ERCC5: variants seen among roughly 807,000 people sequenced by gnomAD.
ERCC5 encodes the protein ERCC excision repair 5, endonuclease, also known as DNA excision repair protein ERCC-5.
In ERCC5, 68 loss-of-function variants were observed where a neutral mutation model predicts 105.6. The observed-to-expected ratio is 0.64, with a 90% CI of 0.53 to 0.79. The LOEUF is 0.79. ERCC5 is among the 30% of genes least tolerant of loss of function. ERCC5 has a pLI of 0.00. For synonymous variants in ERCC5, 546 were observed against 526.2 expected, an observed-to-expected ratio of 1.04 and a Z score of -0.51; for missense variants, 1,373 against 1,426.7, an observed-to-expected ratio of 0.96 and a Z score of 0.61.
rs550031899 is a variant in ERCC5, at chr13:102,866,278, T to G, written c.2216T>G (p.Leu739Arg). ...QDINLEELET[L>R]ESNLLAQQNS... ...ATTTTATAGGAGGAGTTGGAAACTC[T>G]GGAGAGCAACCTCTTAGCACAGCAG... is the stretch of plus-strand genomic sequence containing the variant. Residue 739 changes from leucine (L) to arginine (R), a missense_variant, in exon 10 of 15, where the codon CTG becomes CGG. By Grantham distance (102) the Leu-to-Arg change is moderately radical (BLOSUM62 -2). Transcript: ENST00000652225. 4.3e-6 allele frequency: 7 copies of G among 1,614,256 alleles called. No individual in the cohort carries two copies. The highest frequency in any genetic ancestry group is 5.9e-6 in the Non-Finnish European group (7 of 1,180,048).
At chr13:102,846,471 GGTCGCTATA>G in intron 1 of ERCC5, 117 bp downstream of exon 1, 1 of 884,354 alleles carries the variant, frequency 1.1e-6, no homozygotes, top group East Asian at 2.6e-5. Flanking sequence ...TCGGGGTCGG[GGTCGCTATA>G]GAATCTCTGT....
At position 102,872,343 on chromosome 13, in the gene ERCC5, G is replaced by A. The variant is rs751396784; in HGVS notation, c.2824G>A (p.Asp942Asn). The A allele has an allele frequency of 1.2e-6, 2 of 1,614,204 alleles. No homozygotes were observed. Among genetic ancestry groups the A allele is most frequent in the South Asian group, 1.1e-5 (1 of 91,082 alleles). ...VAEAYLKPVV[D>N]DSKGSFLWGK... is the part of the protein sequence containing the mutation. ...CGAGGCCTACCTCAAACCCGTGGTG[G>A]ATGACTCGAAGGGATCCTTTCTGTG... Residue 942 changes from aspartate (D) to asparagine (N), a missense_variant, in exon 13 of 15, where the codon GAT becomes AAT. By Grantham distance (23) the Asp-to-Asn change is conservative (BLOSUM62 1). This residue lies in a region of ERCC5 where 367 missense variants were observed against 350.2 expected (regional missense o/e 1.05). Transcript: ENST00000652225.
chr13:102,860,456 G>A (rs188260685), intron 6 of ERCC5, among the ~76,000 whole-genome samples: 2 of 152,316 alleles, frequency 1.3e-5, no homozygotes, highest in African/African-American at 2.4e-5. Context: ...GACATGAAGA[G>A]AAACATGTTC....
At chr13:102,848,205 A>G (rs905422806) in intron 1 of ERCC5, among the ~76,000 whole-genome samples, 5 of 152,226 alleles carry the variant, frequency 3.3e-5, no homozygotes, top group African/African-American at 9.6e-5. Flanking sequence ...CGTTTATGTC[A>G]AAGGAGTATA....
rs2140543853 is a variant in ERCC5 at position 102,875,724 on chromosome 13, G to C, written c.3382G>C (p.Asp1128His). ...GAAAGAGCCAAAAACCAGTGCTTCA[G>C]ATTCGCAGAACTCAGTGAAGGAAGC... ...AAKEPKTSASDSQNSVKEAPV... is the reference protein window; with the variant it reads ...AAKEPKTSASHSQNSVKEAPV... The change falls in exon 15 of 15, where the codon GAT becomes CAT. Residue 1128 changes from aspartate to histidine, a missense_variant. Transcript: ENST00000652225. 6.2e-7 allele frequency: 1 copy of C among 1,614,172 alleles called. No homozygotes were observed. Among genetic ancestry groups the C allele is most frequent in the South Asian group, 1.1e-5 (1 of 91,078 alleles).
chr13:102,870,907 T>A (rs1883009470), intron 12 of ERCC5, among the ~76,000 whole-genome samples: 1 of 152,196 alleles, frequency 6.6e-6, no homozygotes, highest in African/African-American at 2.4e-5. Context: ...AGGATTATGT[T>A]AGTAACTTTG....
intron 1 of ERCC5, chr13:102,849,015 T>C (rs1406381744): frequency 7.5e-6 from 3 of 402,376 alleles, no homozygotes; most frequent in Admixed American, 5.6e-5. Flanking sequence ...TGAGAGCCAC[T>C]GATCTGAAAC....
Position 102,862,883 on chromosome 13 carries a change from T to C in ERCC5, c.1734T>C (p.Ile578=). The part of the protein sequence containing the change: ...KCKPNSASEV[I]GPVSLQETSS... The stretch of plus-strand genomic sequence containing the variant: ...AACCGAATTCTGCTTCTGAAGTCAT[T>C]GGCCCTGTCAGTTTGCAAGAAACAA... Residue 578 remains isoleucine, a synonymous_variant, in exon 8 of 15, where the codon ATT becomes ATC. Coordinates refer to ENST00000652225, the MANE Select transcript of ERCC5 (RefSeq NM_000123.4). The C allele has an allele frequency of 6.2e-7, 1 of 1,614,238 alleles. No individual in the cohort carries two copies. The highest frequency in any genetic ancestry group is 8.5e-7 in the Non-Finnish European group (1 of 1,180,034).
At chr13:102,872,500 G>T in intron 13 of ERCC5, 102 bp downstream of exon 13, 1 of 1,379,448 alleles carries the variant, frequency 7.2e-7, no homozygotes, top group African/African-American at 1.4e-5. Flanking sequence ...CTTATATCCC[G>T]TTAATCCCAT....
At position 102,873,672 on chromosome 13, in the gene ERCC5, G is replaced by T. The variant is rs1253244421; in HGVS notation, c.2964+329G>T. ...TACTTTCATTTTTTAACGAAAGGAA[G>T]TCTTCAAAGCAATTCTGATCATTTA... On this transcript the variant is annotated intron_variant, in intron 14 of 14. Transcript: ENST00000652225. Among the ~76,000 whole-genome samples, 5 of 152,130 alleles carry T rather than the reference G, an allele frequency of 3.3e-5. No individual in the cohort carries two copies. The East Asian group carries it at 9.6e-4, about 29-fold the overall frequency.
At position 102,867,095 on chromosome 13, in the gene ERCC5, A is replaced by G. The variant is rs573126505; in HGVS notation, c.2533+250A>G. Among the ~76,000 whole-genome samples, 5 of 152,324 alleles carry G rather than the reference A, an allele frequency of 3.3e-5. No homozygotes were observed. In the South Asian group the frequency reaches 1.0e-3, roughly 32 times the overall value. ...GTTAAACTTTGACTAGTTACCCGAG[A>G]TCTCCACAGTGAACAAAAGGTGGTG... On this transcript the variant is annotated intron_variant, in intron 11 of 14. Transcript: ENST00000652225.
intron 1 of ERCC5, among the ~76,000 whole-genome samples, chr13:102,847,407 A>G (rs1299477486): frequency 1.3e-5 from 2 of 151,462 alleles, no homozygotes; most frequent in South Asian, 2.1e-4. Context: ...TTGTGGAAAG[A>G]GTCCTGTAAA....
chr13:102,874,985 G>C (rs545374364), intron 14 of ERCC5: 10 of 270,430 alleles, frequency 3.7e-5, no homozygotes, highest in African/African-American at 2.0e-4. Flanking sequence ...AAGTCGTGTT[G>C]CTCCTGAGGA....
chr13:102,858,175 A>C, intron 5 of ERCC5, 100 bp from the exon 6 acceptor site: 1 of 1,519,340 alleles, frequency 6.6e-7, no homozygotes, highest in Non-Finnish European at 9.0e-7. Flanking sequence ...GATTATGTAG[A>C]ACTGTGTTTA....
chr13:102,861,524 A>G lies in ERCC5; in HGVS notation c.690A>G (p.Ser230=). 1 of 1,614,136 alleles carries G rather than the reference A, an allele frequency of 6.2e-7. No individual in the cohort carries two copies. Among genetic ancestry groups the G allele is most frequent in the Non-Finnish European group, 8.5e-7 (1 of 1,180,012 alleles). Reference sequence around the variant, plus strand: ...GCCTTTAGGAGTCTGATGACTTTTCACAGTACCAACTCAAAGGCTTGCTTA... The same window carrying G: ...GCCTTTAGGAGTCTGATGACTTTTCGCAGTACCAACTCAAAGGCTTGCTTA... ...EAMPEESDDF[S]QYQLKGLLKK... The change falls in exon 7 of 15, where the codon TCA becomes TCG. Residue 230 remains serine, a synonymous_variant. Transcript: ENST00000652225.
At chr13:102,851,440 G>A (rs565560578) in intron 1 of ERCC5, among the ~76,000 whole-genome samples, 2 of 152,146 alleles carry the variant, frequency 1.3e-5, no homozygotes, top group East Asian at 1.9e-4. Context: ...GACTACAGGT[G>A]CGCACCACCA....
Position 102,868,148 on chromosome 13 carries a change from T to C in ERCC5, c.2569T>C (p.Leu857=), listed in dbSNP as rs1323031128. Reference sequence around the variant, plus strand: ...GAATAAGTTAATAAATTTGGCTTATTTGCTTGGAAGTGATTATACCGAAGG... The same window carrying C: ...GAATAAGTTAATAAATTTGGCTTATCTGCTTGGAAGTGATTATACCGAAGG... ...DRNKLINLAY[L]LGSDYTEGIP... Residue 857 remains leucine, a synonymous_variant, in exon 12 of 15, where the codon TTG becomes CTG. Transcript: ENST00000652225. 6.2e-7 allele frequency: 1 copy of C among 1,614,144 alleles called. No homozygotes were observed. The highest frequency in any genetic ancestry group is 1.1e-5 in the South Asian group (1 of 91,056).
chr13:102,874,626 A>G (rs566694640), intron 14 of ERCC5: 2 of 152,228 alleles, frequency 1.3e-5, no homozygotes, highest in Non-Finnish European at 1.5e-5. Context: ...GGTTCACGCC[A>G]TTCTCCTGCC....
At chr13:102,857,981 A>G (rs1242834861) in intron 5 of ERCC5, among the ~76,000 whole-genome samples, 1 of 152,106 alleles carries the variant, frequency 6.6e-6, no homozygotes, top group Admixed American at 6.5e-5. Context: ...CAGGGACCTT[A>G]TCTGGCACCT....
Sources: gnomAD v4.1 joint callset for allele counts (sites outside exome capture counted in the v4.1 genomes callset) on GRCh38, gnomAD v4.1.1 for gene constraint, gnomAD v4.1.1 regional missense constraint, MANE v1.5 for transcripts, NCBI Gene and HGNC (gene_info 2026-07-23, HGNC 2026-07-21) for gene names.